Variants in HROB observed in about 807,000 individuals in gnomAD.
HROB encodes homologous recombination OB-fold protein.
In HROB, 44 loss-of-function variants were observed where a neutral mutation model predicts 61.0. The observed-to-expected ratio is 0.72, with a 90% CI of 0.57 to 0.93. The LOEUF is 0.93. Among genes scored for constraint, HROB ranks in the 40% least tolerant of loss-of-function variants. HROB has a pLI of 0.00. For missense variants in HROB, 716 were observed against 796.2 expected (o/e 0.90, Z 1.21); for synonymous variants, 301 against 310.4 (o/e 0.97, Z 0.32).
intron 2 of HROB, 86 bp downstream of exon 2, chr17:44,145,339 C>A: frequency 6.7e-7 from 1 of 1,492,334 alleles, no homozygotes; most frequent in Non-Finnish European, 9.3e-7. Context: ...TTAGCCTGTA[C>A]CAGCCTCCTT....
rs977227418 is a variant in HROB, at chr17:44,148,062, C to G, written c.259C>G (p.Pro87Ala). ...LDLCLPASST[P>A]SADSRPSCIG... Reference sequence around the variant, plus strand: ...CCTCTGCCTCCCTGCCTCCAGCACGCCCAGTGCTGACAGCCGTCCATCATG... The same window carrying G: ...CCTCTGCCTCCCTGCCTCCAGCACGGCCAGTGCTGACAGCCGTCCATCATG... Residue 87 changes from proline to alanine, a missense_variant, in exon 3 of 10, where the codon CCC (proline) becomes GCC (alanine). Transcript: ENST00000585683. 3.1e-6 allele frequency: 5 copies of G among 1,614,172 alleles called. No homozygotes were observed.
At position 44,161,840 on chromosome 17, in the gene HROB, C is replaced by A. The variant is rs766094068; in HGVS notation, c.1880-31C>A. 11 of 1,607,570 alleles carry A rather than the reference C, an allele frequency of 6.8e-6. No homozygotes were observed. In the South Asian group the frequency reaches 1.2e-4, roughly 18 times the overall value. On this transcript the variant is annotated intron_variant, in intron 9 of 9. Coordinates refer to ENST00000585683, the MANE Select transcript of HROB (RefSeq NM_001171251.3). ...GTCACATGGAATGCTGATGTTGTCA[C>A]TAAGGCTACCCATCATTCCCCTCTC...
At chr17:44,161,096 A>T (rs1404082856) in intron 9 of HROB, among the ~76,000 whole-genome samples, 1 of 151,816 alleles carries the variant, frequency 6.6e-6, no homozygotes, top group East Asian at 1.9e-4. Context: ...CCAGCTACTC[A>T]GGAGGCTGAG....
At chr17:44,143,102 A>T (rs1331712054) in intron 1 of HROB, among the ~76,000 whole-genome samples, 1 of 152,122 alleles carries the variant, frequency 6.6e-6, no homozygotes, top group Non-Finnish European at 1.5e-5. Context: ...ACCCCAGCTA[A>T]CTTATTTCTA....
intron 8 of HROB, among the ~76,000 whole-genome samples, chr17:44,155,961 T>C (rs1023056508): frequency 1.3e-5 from 2 of 152,150 alleles, no homozygotes; most frequent in African/African-American, 4.8e-5. Flanking sequence ...CCACTCCAGG[T>C]TGAGAGTGTA....
In HROB at chr17:44,152,765, G is replaced by A; in HGVS notation, c.1437G>A (p.Met479Ile). Reference protein sequence around the residue: ...SCFLCTYSIVMVLRKAALKQL... With the variant: ...SCFLCTYSIVIVLRKAALKQL... ...TCCTCTGTACCTACAGCATTGTCAT[G>A]GTGCTGCGCAAGGTAAGGATTCTGG... Residue 479 changes from methionine (M) to isoleucine (I), a missense_variant, in exon 5 of 10, where the codon ATG (methionine) becomes ATA (isoleucine). Physicochemically the swap from Met to Ile is conservative, Grantham distance 10. Transcript: ENST00000585683. 6.2e-7 allele frequency: 1 copy of A among 1,613,572 alleles called. No individual in the cohort carries two copies. The highest frequency in any genetic ancestry group is 8.5e-7 in the Non-Finnish European group (1 of 1,179,778).
chr17:44,155,313 A>T lies in HROB; in HGVS notation c.1672A>T (p.Asn558Tyr). Residue 558 changes from asparagine (N) to tyrosine (Y), a missense_variant, in exon 8 of 10, where the codon AAT becomes TAT. Coordinates refer to ENST00000585683, the MANE Select transcript of HROB (RefSeq NM_001171251.3). ...TGGAGTGTTTTCTCCTTCACTTCGA[A>T]ATCACTACCTCAACGTGACACCCAA... ...QIGVFSPSLRNHYLNVTPNNL... is the reference protein window; with the variant it reads ...QIGVFSPSLRYHYLNVTPNNL... 1 of 1,614,118 alleles carries T rather than the reference A, an allele frequency of 6.2e-7. No homozygotes were observed. The highest frequency in any genetic ancestry group is 1.1e-5 in the South Asian group (1 of 91,080).
In HROB at chr17:44,161,976, G is replaced by A; in HGVS notation, c.*44G>A. On this transcript the variant is annotated 3_prime_UTR_variant, in exon 10 of 10. Transcript: ENST00000585683. ...CAACCCACCATGAGCAGGCAGCTCT[G>A]GGCATGTGTCTGGTCACATCCAAGG... 6.3e-7 allele frequency: 1 copy of A among 1,584,182 alleles called. No homozygotes were observed. Among genetic ancestry groups the A allele is most frequent in the African/African-American group, 1.3e-5 (1 of 74,290 alleles).
At position 44,154,977 on chromosome 17, in the gene HROB, A is replaced by G. The variant is rs373460274; in HGVS notation, c.1644+39A>G. The G allele has an allele frequency of 7.1e-5, 113 of 1,593,868 alleles. 1 individual carries two copies. In the African/African-American group the frequency reaches 1.4e-3, roughly 20 times the overall value. On this transcript the variant is annotated intron_variant, in intron 7 of 9. Coordinates refer to ENST00000585683, the MANE Select transcript of HROB (RefSeq NM_001171251.3). ...CTCTCCACACCACTGCCCCCCGGAT[A>G]GAGCCCTCAGTGTCTGTCTCCTTAC...
chr17:44,143,657 A>G (rs1176889560), intron 1 of HROB, among the ~76,000 whole-genome samples: 4 of 152,050 alleles, frequency 2.6e-5, no homozygotes, highest in South Asian at 2.1e-4. Flanking sequence ...AAGAAAAAAA[A>G]AAAAAGAAAA....
intron 3 of HROB, among the ~76,000 whole-genome samples, chr17:44,150,686 C>T (rs1479200419): frequency 2.0e-5 from 3 of 152,192 alleles, no homozygotes; most frequent in Non-Finnish European, 4.4e-5. Context: ...CCGCCACGCC[C>T]AGCCAGGCCT....
intron 2 of HROB, among the ~76,000 whole-genome samples, chr17:44,147,141 G>C (rs556669783): frequency 5.9e-5 from 9 of 152,060 alleles, no homozygotes; most frequent in African/African-American, 2.2e-4. Context: ...ATAGATCCCT[G>C]TTTAGATAAC....
At chr17:44,150,423 T>A (rs2053764960) in intron 3 of HROB, among the ~76,000 whole-genome samples, 1 of 150,662 alleles carries the variant, frequency 6.6e-6, no homozygotes, top group Non-Finnish European at 1.5e-5. Flanking sequence ...AGAGTCTTGC[T>A]CTCTCGTCCA....
chr17:44,150,980 A>G lies in HROB; in HGVS notation c.1244A>G (p.Glu415Gly). The G allele has an allele frequency of 6.2e-7, 1 of 1,612,832 alleles. No homozygotes were observed. The highest frequency in any genetic ancestry group is 1.1e-5 in the South Asian group (1 of 90,972). The change falls in exon 4 of 10, where the codon GAG becomes GGG. Residue 415 changes from glutamate (E) to glycine (G), a missense_variant. Physicochemically the swap from Glu to Gly is moderately conservative, Grantham distance 98. Transcript: ENST00000585683. ...LPHQQSGRSL[E>G]DIMVSAPQTP... is the part of the protein sequence containing the mutation. ...TCTTAGCAGAGTGGGAGAAGTCTGG[A>G]GGACATCATGGTTTCCGCGCCCCAA...
In HROB at chr17:44,157,837, C is replaced by T; in HGVS notation, c.1775C>T (p.Ser592Leu). 1 of 1,612,158 alleles carries T rather than the reference C, an allele frequency of 6.2e-7. No individual in the cohort carries two copies. The highest frequency in any genetic ancestry group is 8.5e-7 in the Non-Finnish European group (1 of 1,178,996). The change falls in exon 9 of 10, where the codon TCA becomes TTA. Residue 592 changes from serine (S) to leucine (L), a missense_variant. By Grantham distance (145) the Ser-to-Leu change is moderately radical. Transcript: ENST00000585683. ...LKPSQPFPKD[S>L]GSFQHDVAAK... The stretch of plus-strand genomic sequence containing the variant: ...AACCAGATCCTCTGTCCCCAGGATT[C>T]AGGGAGCTTCCAGCATGATGTGGCT...
At chr17:44,154,706 T>C (rs1298260831) in intron 6 of HROB, 42 bp downstream of exon 6, 8 of 1,606,878 alleles carry the variant, frequency 5.0e-6, no homozygotes, top group South Asian at 3.3e-5. Flanking sequence ...GTGGGCTCCA[T>C]TGAGGCCAGG....
In HROB at chr17:44,152,652, C is replaced by T. The variant is rs765018980; in HGVS notation, c.1324C>T (p.Gln442Ter). The change falls in exon 5 of 10, where the codon CAG becomes TAG. Residue 442 changes from glutamine (Q) to a stop codon, truncating the protein, a stop_gained. Coordinates refer to ENST00000585683, the MANE Select transcript of HROB (RefSeq NM_001171251.3). LOFTEE classifies it high-confidence loss of function. ...GTGGTACCAGATTGTTGCTAGTTCC[C>T]AGGCATCTGTGGAGGAGGATTTTGG... ...KFQTEIVASS[Q>*]ASVEEDFGRG... The T allele has an allele frequency of 6.2e-7, 1 of 1,614,130 alleles. No individual in the cohort carries two copies. Among genetic ancestry groups the T allele is most frequent in the Admixed American group, 1.7e-5 (1 of 60,002 alleles).
intron 9 of HROB, among the ~76,000 whole-genome samples, chr17:44,158,936 C>G (rs973235366): frequency 1.3e-5 from 2 of 152,040 alleles, no homozygotes; most frequent in Non-Finnish European, 2.9e-5. Context: ...CGTGAGCCAC[C>G]GCGCCCGGCC....
In HROB at chr17:44,150,990, G is replaced by A; in HGVS notation, c.1254G>A (p.Met418Ile). ...GTGGGAGAAGTCTGGAGGACATCAT[G>A]GTTTCCGCGCCCCAAACTCCAACCC... ...QQSGRSLEDI[M>I]VSAPQTPTHG... The change falls in exon 4 of 10, where the codon ATG (methionine) becomes ATA (isoleucine). Residue 418 changes from methionine to isoleucine, a missense_variant. Coordinates refer to ENST00000585683, the MANE Select transcript of HROB (RefSeq NM_001171251.3). 6.2e-7 allele frequency: 1 copy of A among 1,613,190 alleles called. No individual in the cohort carries two copies. The highest frequency in any genetic ancestry group is 8.5e-7 in the Non-Finnish European group (1 of 1,179,906).
Sources: allele counts gnomAD v4.1 joint callset (sites outside exome capture counted in the v4.1 genomes callset), GRCh38; gene constraint gnomAD v4.1.1; transcripts MANE v1.5; gene names NCBI Gene and HGNC (gene_info 2026-07-23, HGNC 2026-07-21).